The following DCUN1D4 variants were observed in gnomAD, a reference collection of about 807,000 sequenced individuals.
DCUN1D4 encodes the protein defective in cullin neddylation 1 domain containing 4.
In DCUN1D4, 22 loss-of-function variants were observed where a neutral mutation model predicts 47.9. The ratio of observed to expected loss-of-function variants is 0.46; its 90% CI spans 0.33 to 0.66. DCUN1D4 has a LOEUF of 0.66. Among genes scored for constraint, DCUN1D4 ranks in the 30% least tolerant of loss-of-function variants. DCUN1D4 has a pLI of 0.02. For missense variants in DCUN1D4, 301 were observed against 340.8 expected (o/e 0.88, Z 0.92); for synonymous variants, 121 against 112.2 (o/e 1.08, Z -0.50).
At chr4:51,872,833 T>C (rs1487480423) in intron 3 of DCUN1D4, among the ~76,000 whole-genome samples, 2 of 152,222 alleles carry the variant, frequency 1.3e-5, no homozygotes, top group East Asian at 3.9e-4. Flanking sequence ...TGGTGAATAG[T>C]GTCCTGAGAG....
chr4:51,888,831 G>T (rs961390020), intron 6 of DCUN1D4, among the ~76,000 whole-genome samples: 1 of 152,088 alleles, frequency 6.6e-6, no homozygotes, highest in Non-Finnish European at 1.5e-5. Flanking sequence ...TGTAGGCCAG[G>T]CGTGGTGGCT....
chr4:51,863,652 C>G lies in DCUN1D4; in HGVS notation c.97-18C>G. On this transcript the variant is annotated intron_variant, in intron 2 of 10. Coordinates refer to ENST00000334635, the MANE Select transcript of DCUN1D4 (RefSeq NM_001040402.3). ...ACGGTATGTGATTTCTTCGTAATAA[C>G]GAACATATTTCTTTCAGAACCTAAC... 6.2e-7 allele frequency: 1 copy of G among 1,611,826 alleles called. No individual in the cohort carries two copies.
rs1488777350 is a variant in DCUN1D4, at chr4:51,882,312, A to G, written c.344-4256A>G. On this transcript the variant is annotated intron_variant, in intron 5 of 10. Coordinates refer to ENST00000334635, the MANE Select transcript of DCUN1D4 (RefSeq NM_001040402.3). ...CTCAGAGTTCATTTTCCCATGTGGC[A>G]AACAGGCAAATAAGTAGAGAAACAT... Among the ~76,000 whole-genome samples, 8 of 152,352 alleles carry G rather than the reference A, an allele frequency of 5.3e-5. No individual in the cohort carries two copies. In the East Asian group the frequency reaches 1.5e-3, roughly 29 times the overall value.
At chr4:51,905,156 C>G (rs1732685681) in intron 8 of DCUN1D4, 1 of 450,620 alleles carries the variant, frequency 2.2e-6, no homozygotes, top group Admixed American at 2.4e-5. Context: ...TTATTTTTCT[C>G]CTAATTTGTC....
intron 6 of DCUN1D4, among the ~76,000 whole-genome samples, chr4:51,887,686 C>T (rs1433328558): frequency 6.6e-6 from 1 of 152,174 alleles, no homozygotes; most frequent in Non-Finnish European, 1.5e-5. Flanking sequence ...TCTCTTCATT[C>T]AGGCTGTTTC....
chr4:51,862,603 A>G (rs908685990), intron 1 of DCUN1D4, among the ~76,000 whole-genome samples: 6 of 152,210 alleles, frequency 3.9e-5, no homozygotes, highest in Admixed American at 3.9e-4. Flanking sequence ...AGAAGGAACT[A>G]ATGTAAATCC....
At chr4:51,884,042 AAG>A (rs1005647203) in intron 5 of DCUN1D4, among the ~76,000 whole-genome samples, 20 of 150,870 alleles carry the variant, frequency 1.3e-4, no homozygotes, top group African/African-American at 4.6e-4. Flanking sequence ...TTTATATAAA[AAG>A]GGGATAGAAG....
chr4:51,900,995 G>GCCACCTTTTTCTTGGTGC (rs1331028804), intron 8 of DCUN1D4, among the ~76,000 whole-genome samples: 1 of 152,110 alleles, frequency 6.6e-6, no homozygotes, highest in Admixed American at 6.5e-5. Context: ...TCTCATGAGT[G>GCCACCTTTTTCTTGGTGC]CTCTTTGGCC....
rs1002807339 is a variant in DCUN1D4 at position 51,889,445 on chromosome 4, G to A, written c.415-2315G>A. 3.3e-5 allele frequency among the ~76,000 whole-genome samples: 5 copies of A among 152,318 alleles called. 1 individual carries two copies. Among genetic ancestry groups the A allele is most frequent in the Non-Finnish European group, 1.5e-5 (1 of 68,036 alleles). The stretch of plus-strand genomic sequence containing the variant: ...TCTATGTTCATTTACCAAGATAACA[G>A]CAACATTCTTTATTTAAGTACTTAG... On this transcript the variant is annotated intron_variant, in intron 6 of 10. Coordinates refer to ENST00000334635, the MANE Select transcript of DCUN1D4 (RefSeq NM_001040402.3).
intron 3 of DCUN1D4, among the ~76,000 whole-genome samples, chr4:51,870,417 A>C (rs1343610909): frequency 6.6e-6 from 1 of 152,222 alleles, no homozygotes; most frequent in African/African-American, 2.4e-5. Flanking sequence ...CTTAAAGTTA[A>C]CTGTTTGTTT....
rs572164650 is a variant in DCUN1D4, at chr4:51,912,523, A to G, written c.721-767A>G. 4.6e-5 allele frequency among the ~76,000 whole-genome samples: 7 copies of G among 152,190 alleles called. No individual in the cohort carries two copies. The East Asian group carries it at 9.6e-4, about 21-fold the overall frequency. ...CTCTCTTTGCTTTTTATGTACTTGT[A>G]TTGTTTTACTATGTTTCTGATTTTA... On this transcript the variant is annotated intron_variant, in intron 9 of 10. Coordinates refer to ENST00000334635, the MANE Select transcript of DCUN1D4 (RefSeq NM_001040402.3).
chr4:51,848,349 G>C lies in DCUN1D4; in HGVS notation c.25+5082G>C, dbSNP rs947541579. 3.9e-6 allele frequency: 5 copies of C among 1,272,880 alleles called. No individual in the cohort carries two copies. The African/African-American group carries it at 7.7e-5, about 19-fold the overall frequency. 78.8% of individuals were successfully genotyped at this position (1,272,880 alleles called of 1,614,324 possible). ...CGTGTCAGCGTCCTACCTGCACAAGGTTAAGGCAGCATTAACAGGTCTGAT... is the reference window on the plus strand; with the variant it reads ...CGTGTCAGCGTCCTACCTGCACAAGCTTAAGGCAGCATTAACAGGTCTGAT... On this transcript the variant is annotated intron_variant, in intron 1 of 10. Transcript: ENST00000334635.
chr4:51,902,165 TTATC>T (rs1193232190), intron 8 of DCUN1D4, among the ~76,000 whole-genome samples: 1 of 152,218 alleles, frequency 6.6e-6, no homozygotes, highest in Non-Finnish European at 1.5e-5. Context: ...TGTATAATTT[TTATC>T]TATTTGATTT....
chr4:51,870,164 C>T (rs1031556530), intron 3 of DCUN1D4, among the ~76,000 whole-genome samples: 4 of 151,990 alleles, frequency 2.6e-5, no homozygotes, highest in South Asian at 4.2e-4. Flanking sequence ...ATAAATATTC[C>T]GTAACATTCT....
chr4:51,909,041 C>T (rs1233553777), intron 8 of DCUN1D4: 5 of 454,810 alleles, frequency 1.1e-5, no homozygotes, highest in Admixed American at 9.4e-5. Context: ...GTTTTGGCAT[C>T]ACTGCCAAAC....
At chr4:51,835,525 G>A in the DCUN1D4 span, among the ~76,000 whole-genome samples, 3 of 152,204 alleles carry the variant, frequency 2.0e-5, no homozygotes, top group African/African-American at 7.2e-5. Flanking sequence ...TGAGGTTGTG[G>A]TGATGGTGCT....
chr4:51,897,383 T>C (rs1731428764), intron 7 of DCUN1D4, among the ~76,000 whole-genome samples: 2 of 152,232 alleles, frequency 1.3e-5, no homozygotes, highest in Admixed American at 1.3e-4. Flanking sequence ...TGCTCTATTA[T>C]GAACCATTTT....
chr4:51,849,114 G>A (rs1051259242), intron 1 of DCUN1D4, among the ~76,000 whole-genome samples: 4 of 152,156 alleles, frequency 2.6e-5, no homozygotes, highest in Admixed American at 6.5e-5. Context: ...TGTCTGTAAT[G>A]GACACTGTCA....
chr4:51,840,857 C>G (rs1238005148), upstream of DCUN1D4, among the ~76,000 whole-genome samples: 1 of 152,204 alleles, frequency 6.6e-6, no homozygotes, highest in Non-Finnish European at 1.5e-5. Flanking sequence ...TGAGCTTTGC[C>G]TCTCAATCCT....
Sources: gnomAD v4.1 joint callset for allele counts (sites outside exome capture counted in the v4.1 genomes callset) on GRCh38, gnomAD v4.1.1 for gene constraint, MANE v1.5 for transcripts, NCBI Gene and HGNC (gene_info 2026-07-23, HGNC 2026-07-21) for gene names.